The following MED13 variants were observed in gnomAD, a reference collection of about 807,000 sequenced individuals.
MED13 encodes mediator complex subunit 13.
MED13 carries 23 observed loss-of-function variants against 225.2 expected under a neutral mutation model. That is an observed-to-expected ratio of 0.10 (90% CI 0.07 to 0.14). The LOEUF is 0.14. MED13 is among the 10% of genes least tolerant of loss of function. MED13 has a pLI of 1.00. For synonymous variants in MED13, 942 were observed against 889.2 expected, an observed-to-expected ratio of 1.06 and a Z score of -1.06; for missense variants, 2,197 against 2,594.5, an observed-to-expected ratio of 0.85 and a Z score of 3.33.
In MED13 at chr17:61,965,179, C is replaced by G. The variant is rs773346351; in HGVS notation, c.4671G>C (p.Ser1557=). 6.2e-7 allele frequency: 1 copy of G among 1,614,072 alleles called. No homozygotes were observed. Among genetic ancestry groups the G allele is most frequent in the Admixed American group, 1.7e-5 (1 of 60,000 alleles). The change falls in exon 20 of 30, where the codon TCG becomes TCC. Residue 1557 remains serine, a synonymous_variant. Transcript: ENST00000397786. ...TGTTCATACTGCCAAAGGGTGGAAA[C>G]GAAGGTAGTTTATTTGATGATACTC... is the stretch of plus-strand genomic sequence containing the variant. The part of the protein sequence containing the change: ...NSGVSSNKLP[S]FPPFGSMNSN...
intron 10 of MED13, 30 bp downstream of exon 10, chr17:61,995,122 G>T: frequency 6.8e-7 from 1 of 1,463,322 alleles, no homozygotes; most frequent in Non-Finnish European, 9.6e-7. Flanking sequence ...AATCAACAGT[G>T]ACCCTTTGGT....
At chr17:62,009,380 T>G (rs959216623) in intron 9 of MED13, among the ~76,000 whole-genome samples, 1 of 151,762 alleles carries the variant, frequency 6.6e-6, no homozygotes, top group Non-Finnish European at 1.5e-5. Context: ...AGCATGCAAA[T>G]AATACATCAG....
intron 3 of MED13, among the ~76,000 whole-genome samples, chr17:62,040,140 A>T (rs2080841135): frequency 6.6e-6 from 1 of 152,202 alleles, no homozygotes; most frequent in Admixed American, 6.5e-5. Context: ...GAAAATACTA[A>T]CATAGTAAAT....
At position 61,990,614 on chromosome 17, in the gene MED13, CTT is replaced by C. The variant is rs1426853897; in HGVS notation, c.2263+1924_2263+1925del. On this transcript the variant is annotated intron_variant, in intron 11 of 29. Transcript: ENST00000397786. ...CTATATATATATATACACACACACA[CTT>C]GGCGCACTGTGTATATATATATATA... Among the ~76,000 whole-genome samples, 219 of 131,170 alleles carry C rather than the reference CTT, an allele frequency of 1.7e-3. 1 individual carries two copies. The highest frequency in any genetic ancestry group is 6.8e-3 in the African/African-American group (210 of 30,690). The allele number at this position is 131,170 out of a possible 152,430, so 86.1% of individuals were successfully genotyped here. A position where few individuals can be genotyped will look rare whatever the true frequency, so the allele number is the denominator to read the frequency against.
intron 3 of MED13, among the ~76,000 whole-genome samples, chr17:62,049,504 G>A (rs572005694): frequency 2.0e-5 from 3 of 152,202 alleles, no homozygotes; most frequent in Non-Finnish European, 4.4e-5. Context: ...GAGCATGGCT[G>A]TGTTACAACA....
At chr17:61,959,423 A>C (rs2079978225) in intron 23 of MED13, among the ~76,000 whole-genome samples, 1 of 152,096 alleles carries the variant, frequency 6.6e-6, no homozygotes, top group Non-Finnish European at 1.5e-5. Flanking sequence ...CTACTTTCTC[A>C]TACTTCACAG....
chr17:62,025,807 T>G (rs1298903643), intron 8 of MED13, among the ~76,000 whole-genome samples: 1 of 152,242 alleles, frequency 6.6e-6, no homozygotes, highest in African/African-American at 2.4e-5. Context: ...TATTTTAAAC[T>G]GCTAAACAAT....
At chr17:62,026,019 T>A (rs1034549093) in intron 8 of MED13, among the ~76,000 whole-genome samples, 1 of 152,184 alleles carries the variant, frequency 6.6e-6, no homozygotes, top group Admixed American at 6.5e-5. Context: ...AAGAAAAACC[T>A]TGGCCCTAAC....
chr17:62,017,219 T>TAAAAAAAAAAAAAAAAAAAAAAAAAA, intron 8 of MED13, among the ~76,000 whole-genome samples: 1 of 84,244 alleles, frequency 1.2e-5, no homozygotes, highest in Non-Finnish European at 2.5e-5. Flanking sequence ...ACTAAAATGC[T>TAAAAAAAAAAAAAAAAAAAAAAAAAA]AAAAAAAAAA....
chr17:62,013,013 G>A (rs756144523), intron 8 of MED13, among the ~76,000 whole-genome samples: 3 of 151,322 alleles, frequency 2.0e-5, no homozygotes, highest in Non-Finnish European at 2.9e-5. Context: ...GGATAGTCTC[G>A]ATCTCTTGAC....
chr17:62,054,339 A>C (rs1374300854), intron 2 of MED13, among the ~76,000 whole-genome samples: 1 of 152,024 alleles, frequency 6.6e-6, no homozygotes, highest in Non-Finnish European at 1.5e-5. Context: ...AGCTTAGGGA[A>C]AAAAAAGTAG....
chr17:61,961,706 G>C lies in MED13; in HGVS notation c.5138C>G (p.Ser1713Cys), dbSNP rs373281976. 1 of 1,613,866 alleles carries C rather than the reference G, an allele frequency of 6.2e-7. No homozygotes were observed. The highest frequency in any genetic ancestry group is 1.3e-5 in the African/African-American group (1 of 74,866). ...CTGGGTAAAGGCCGAAAAAGCCAGGGATTTTAAATGCTGGGGATAGATTTC... is the reference window on the plus strand; with the variant it reads ...CTGGGTAAAGGCCGAAAAAGCCAGGCATTTTAAATGCTGGGGATAGATTTC... The part of the protein sequence containing the change: ...DREIYPQHLK[S>C]LAFSAFTQCR... The change falls in exon 22 of 30, where the codon TCC becomes TGC. Residue 1713 changes from serine (S) to cysteine (C), a missense_variant. Physicochemically the swap from Ser to Cys is moderately radical, Grantham distance 112. Coordinates refer to ENST00000397786, the MANE Select transcript of MED13 (RefSeq NM_005121.3).
At chr17:62,020,990 G>A (rs376230921) in intron 8 of MED13, among the ~76,000 whole-genome samples, 9 of 149,416 alleles carry the variant, frequency 6.0e-5, no homozygotes, top group South Asian at 2.1e-4. Flanking sequence ...TGTTTCAGAG[G>A]GCACAGGGTT....
At chr17:62,037,955 C>CAAAAAAAAAAAAAAAAAAAAAAAAAAAA (rs397857634) in intron 3 of MED13, among the ~76,000 whole-genome samples, 1 of 64,728 alleles carries the variant, frequency 1.5e-5, no homozygotes, top group Admixed American at 2.7e-4. Flanking sequence ...GACTTCATCT[C>CAAAAAAAAAAAAAAAAAAAAAAAAAAAA]AAAAAAAAAA....
At chr17:61,948,657 C>T (rs1009935757) in intron 28 of MED13, among the ~76,000 whole-genome samples, 2 of 151,720 alleles carry the variant, frequency 1.3e-5, no homozygotes, top group Admixed American at 1.3e-4. Context: ...AATCCCTGAC[C>T]TCAGGTGATC....
At chr17:61,957,352 TTTTA>T (rs778271945) in intron 23 of MED13, among the ~76,000 whole-genome samples, 24 of 147,672 alleles carry the variant, frequency 1.6e-4, no homozygotes, top group Non-Finnish European at 2.7e-4. Flanking sequence ...CCAGTAAACT[TTTTA>T]TTTTTTTTTT....
intron 20 of MED13, among the ~76,000 whole-genome samples, chr17:61,964,674 G>A (rs1021463372): frequency 5.9e-5 from 9 of 152,168 alleles, no homozygotes; most frequent in South Asian, 2.1e-4. Context: ...GGTGGCTCAC[G>A]TCTGTAATCC....
chr17:61,954,544 A>G (rs1328336683), intron 26 of MED13, among the ~76,000 whole-genome samples: 1 of 152,186 alleles, frequency 6.6e-6, no homozygotes, highest in Non-Finnish European at 1.5e-5. Context: ...TGGGAGGCCA[A>G]GGTGGGTGGA....
At chr17:61,983,983 C>T (rs2080226991) in intron 15 of MED13, among the ~76,000 whole-genome samples, 188 bp downstream of exon 15, 1 of 152,154 alleles carries the variant, frequency 6.6e-6, no homozygotes, top group Non-Finnish European at 1.5e-5. Context: ...CTGCCTTGGC[C>T]TCCCAAAGTA....
Sources: gnomAD v4.1 joint callset for allele counts (sites outside exome capture counted in the v4.1 genomes callset) on GRCh38, gnomAD v4.1.1 for gene constraint, MANE v1.5 for transcripts, NCBI Gene and HGNC (gene_info 2026-07-23, HGNC 2026-07-21) for gene names.